The following CDH18 variants were observed in gnomAD, a reference collection of about 807,000 sequenced individuals.
CDH18 encodes cadherin 18, also known as cadherin-18.
In CDH18, 31 loss-of-function variants were observed where a neutral mutation model predicts 67.9. That is an observed-to-expected ratio of 0.46 (90% confidence interval 0.34 to 0.62). CDH18 has a LOEUF of 0.62. Ranked by LOEUF, CDH18 falls within the 20% of genes least tolerant of loss-of-function variation. The pLI, the probability that CDH18 is intolerant of heterozygous loss-of-function variation, is 0.01. For synonymous variants in CDH18, 362 were observed against 347.2 expected (o/e 1.04, Z -0.48); for missense variants, 890 against 975.5 (o/e 0.91, Z 1.17).
intron 1 of CDH18, among the ~76,000 whole-genome samples, chr5:20,540,656 A>G (rs1463679011): frequency 6.6e-6 from 1 of 152,190 alleles, no homozygotes. Context: ...GCACATCCAG[A>G]TGCTGTCATC....
intron 2 of CDH18, among the ~76,000 whole-genome samples, chr5:20,236,700 A>C (rs1742498494): frequency 6.6e-6 from 1 of 152,106 alleles, no homozygotes; most frequent in African/African-American, 2.4e-5. Context: ...TGCATTTAAA[A>C]AGTTCAACAA....
intron 1 of CDH18, among the ~76,000 whole-genome samples, chr5:20,317,785 C>T (rs1045483244): frequency 3.9e-5 from 6 of 152,054 alleles, no homozygotes; most frequent in African/African-American, 1.2e-4. Context: ...AGTTGATAAG[C>T]GTTATAGTTA....
chr5:19,810,776 A>C (rs1345875185), intron 3 of CDH18, among the ~76,000 whole-genome samples: 1 of 152,040 alleles, frequency 6.6e-6, no homozygotes, highest in Non-Finnish European at 1.5e-5. Flanking sequence ...TAATCCTAGC[A>C]CTTTGAGACT....
chr5:19,907,023 C>G (rs181995061), intron 2 of CDH18, among the ~76,000 whole-genome samples: 139 of 152,070 alleles, frequency 9.1e-4, no homozygotes, highest in Admixed American at 1.8e-3. Flanking sequence ...TTTGTCTACT[C>G]TAAGGTATCT....
At chr5:20,107,810 A>G (rs990171513) in intron 2 of CDH18, among the ~76,000 whole-genome samples, 2 of 151,600 alleles carry the variant, frequency 1.3e-5, no homozygotes, top group African/African-American at 4.9e-5. Context: ...ACTTGTGCAC[A>G]ATGTGCAGGT....
At position 19,842,714 on chromosome 5, in the gene CDH18, T is replaced by A. The variant is rs143817863; in HGVS notation, c.-256-3472A>T. On this transcript the variant is annotated intron_variant, in intron 2 of 12. Transcript: ENST00000382275. ...AGATAACAGGAAGAAGTAGGAACAG[T>A]TTGGAGGGCTCAGAAGAAAATAGGA... Among the ~76,000 whole-genome samples the A allele has an allele frequency of 5.8e-3, 888 of 151,960 alleles. 8 individuals carry two copies. Among genetic ancestry groups the A allele is most frequent in the Middle Eastern group, 0.024 (7 of 294 alleles).
At chr5:19,924,631 T>TAACAAACA (rs566168654) in intron 2 of CDH18, among the ~76,000 whole-genome samples, 1 of 151,932 alleles carries the variant, frequency 6.6e-6, no homozygotes, top group Admixed American at 6.6e-5. Flanking sequence ...GTCTCAAAAC[T>TAACAAACA]AACAAACAAA....
At chr5:19,749,761 A>G (rs1012026576) in intron 3 of CDH18, among the ~76,000 whole-genome samples, 2 of 151,208 alleles carry the variant, frequency 1.3e-5, no homozygotes, top group Admixed American at 6.6e-5. Flanking sequence ...AGGGCTATCA[A>G]TTTTAAGACT....
At chr5:19,510,144 A>G (rs1744890684) in intron 10 of CDH18, among the ~76,000 whole-genome samples, 2 of 152,216 alleles carry the variant, frequency 1.3e-5, no homozygotes, top group South Asian at 2.1e-4. Context: ...AATACACTTC[A>G]GAAAACTGAT....
chr5:19,944,577 T>G (rs1442231312), intron 2 of CDH18, among the ~76,000 whole-genome samples: 3 of 152,184 alleles, frequency 2.0e-5, no homozygotes, highest in African/African-American at 7.2e-5. Context: ...TTTTTGTAGT[T>G]CTTTCTGTCC....
chr5:20,179,234 G>T (rs1737490275), intron 2 of CDH18, among the ~76,000 whole-genome samples: 1 of 152,032 alleles, frequency 6.6e-6, no homozygotes. Context: ...AATTTTTGCT[G>T]GTTCTAACAA....
At position 19,859,524 on chromosome 5, in the gene CDH18, A is replaced by C. The variant is rs114081777; in HGVS notation, c.-256-20282T>G. 2.6e-5 allele frequency among the ~76,000 whole-genome samples: 4 copies of C among 152,276 alleles called. No individual in the cohort carries two copies. The South Asian group carries it at 8.3e-4, about 32-fold the overall frequency. On this transcript the variant is annotated intron_variant, in intron 2 of 12. Coordinates refer to ENST00000382275, the MANE Select transcript of CDH18 (RefSeq NM_004934.5). ...TTTTTCCTGATCTAGGAGAGAATTA[A>C]CTAGGTCCAGCAACTTTTTAGGTCT...
At chr5:20,394,898 A>G (rs1488396554) in intron 1 of CDH18, among the ~76,000 whole-genome samples, 1 of 152,122 alleles carries the variant, frequency 6.6e-6, no homozygotes, top group Non-Finnish European at 1.5e-5. Context: ...ACCTTACCCC[A>G]GGCAGGATGG....
intron 5 of CDH18, among the ~76,000 whole-genome samples, chr5:19,672,478 G>A (rs1441566089): frequency 6.6e-6 from 1 of 151,972 alleles, no homozygotes; most frequent in East Asian, 1.9e-4. Flanking sequence ...AAAAGTTTAA[G>A]AATAAATTAT....
chr5:20,305,397 A>T (rs1025892169), intron 1 of CDH18: 61 of 1,546,750 alleles, frequency 3.9e-5, no homozygotes, highest in Non-Finnish European at 5.2e-5. Flanking sequence ...CTTCAGCTTC[A>T]TCTTCTTGAT....
intron 1 of CDH18, among the ~76,000 whole-genome samples, chr5:20,510,730 A>C (rs1754981547): frequency 6.6e-6 from 1 of 152,176 alleles, no homozygotes; most frequent in Non-Finnish European, 1.5e-5. Flanking sequence ...CTACCAGTTT[A>C]ACTAAAACAT....
chr5:20,024,513 G>GT (rs745404658), intron 2 of CDH18, among the ~76,000 whole-genome samples: 112 of 152,260 alleles, frequency 7.4e-4, no homozygotes, highest in Non-Finnish European at 1.4e-3. Flanking sequence ...ATGTTGGCCA[G>GT]TTTGCCATGT....
chr5:19,838,044 T>C (rs966436717), intron 3 of CDH18, among the ~76,000 whole-genome samples: 2 of 152,162 alleles, frequency 1.3e-5, no homozygotes, highest in East Asian at 3.9e-4. Context: ...AGCCATTAAG[T>C]TTTCGTGTCT....
At chr5:20,343,148 A>T (rs1311015582) in intron 1 of CDH18, among the ~76,000 whole-genome samples, 1 of 152,208 alleles carries the variant, frequency 6.6e-6, no homozygotes, top group Non-Finnish European at 1.5e-5. Context: ...AAGGCAAGGC[A>T]AGGTGGGCGT....
Sources: allele counts gnomAD v4.1 joint callset (sites outside exome capture counted in the v4.1 genomes callset), GRCh38; gene constraint gnomAD v4.1.1; transcripts MANE v1.5; gene names NCBI Gene and HGNC (gene_info 2026-07-23, HGNC 2026-07-21).